The following ZFPM1 variants were observed in gnomAD, a reference collection of about 807,000 sequenced individuals.
The protein encoded by ZFPM1 is zinc finger protein, FOG family member 1.
A neutral mutation model predicts 46.3 loss-of-function variants in ZFPM1; 28 were observed. The observed-to-expected ratio is 0.60, with a 90% CI of 0.45 to 0.83. The LOEUF (loss-of-function observed/expected upper bound fraction) is 0.83. ZFPM1 is among the 40% of genes least tolerant of loss of function. ZFPM1 has a pLI of 0.00. For synonymous variants in ZFPM1, 957 were observed against 675.9 expected, an observed-to-expected ratio of 1.42 and a Z score of -6.45; for missense variants, 1,878 against 1,432.4, an observed-to-expected ratio of 1.31 and a Z score of -5.02.
In ZFPM1 at chr16:88,471,341, CTG is replaced by C. The variant is rs1279187287; in HGVS notation, c.41-14594_41-14593del. On this transcript the variant is annotated intron_variant, in intron 1 of 9. Transcript: ENST00000319555. This position sits in a 1 kb window ranked among gnomAD's most constrained non-coding sequence, Gnocchi z 4.1. ...CTATAGCATCTAGGCTCTGAGATGA[CTG>C]TGTCCGTGGCGGCTCCCGCTCACAG... Among the ~76,000 whole-genome samples the C allele has an allele frequency of 1.3e-5, 2 of 152,260 alleles. No individual in the cohort carries two copies. The highest frequency in any genetic ancestry group is 2.9e-5 in the Non-Finnish European group (2 of 68,050).
chr16:88,491,960 G>A (rs1909605492), intron 3 of ZFPM1, among the ~76,000 whole-genome samples: 2 of 152,168 alleles, frequency 1.3e-5, no homozygotes, highest in South Asian at 4.1e-4. Flanking sequence ...GCAGTGCCCA[G>A]CCAGGTGACC....
chr16:88,475,686 C>T (rs1674939450), intron 1 of ZFPM1, among the ~76,000 whole-genome samples: 1 of 152,190 alleles, frequency 6.6e-6, no homozygotes, highest in African/African-American at 2.4e-5. Flanking sequence ...ACACCTGGAT[C>T]TGTGCTATCT....
intron 3 of ZFPM1, chr16:88,489,456 T>A: frequency 3.0e-6 from 1 of 335,776 alleles, no homozygotes; most frequent in Non-Finnish European, 5.4e-6. Context: ...TAAAGAATCC[T>A]CAGAGGCAGG....
chr16:88,482,769 C>T (rs769645799), intron 1 of ZFPM1, among the ~76,000 whole-genome samples: 2 of 152,216 alleles, frequency 1.3e-5, no homozygotes, highest in East Asian at 3.9e-4. Flanking sequence ...AGCTCCTGGG[C>T]AGCCCCTCCC....
At chr16:88,466,432 G>A (rs557058005) in intron 1 of ZFPM1, among the ~76,000 whole-genome samples, 149 of 152,342 alleles carry the variant, frequency 9.8e-4, no homozygotes, top group Non-Finnish European at 8.8e-4. Context: ...GAGTCTAGCC[G>A]AGGTCAGAGT....
rs1372136048 is a variant in ZFPM1, at chr16:88,532,600, G to A, written c.947-14G>A. ...GCTGGCCCGGGCACCGCTCTTACGC[G>A]CCCTGTGTTCCAGGAGAGCGGCCCT... On this transcript the variant is annotated splice_polypyrimidine_tract_variant and intron_variant, in intron 7 of 9. Transcript: ENST00000319555. 5 of 1,555,596 alleles carry A rather than the reference G, an allele frequency of 3.2e-6. No individual in the cohort carries two copies. Among genetic ancestry groups the A allele is most frequent in the African/African-American group, 1.4e-5 (1 of 73,400 alleles).
chr16:88,521,752 G>A (rs1911913907), intron 4 of ZFPM1, among the ~76,000 whole-genome samples: 1 of 79,858 alleles, frequency 1.3e-5, no homozygotes, highest in African/African-American at 6.5e-5. Flanking sequence ...CACACCCTGT[G>A]CTGTTCCCTC....
intron 3 of ZFPM1, among the ~76,000 whole-genome samples, chr16:88,496,221 G>A (rs1909923257): frequency 6.6e-6 from 1 of 152,172 alleles, no homozygotes; most frequent in African/African-American, 2.4e-5. Flanking sequence ...TCCATGAGGA[G>A]GGACCAGCCT....
At chr16:88,485,849 A>C in intron 1 of ZFPM1, 90 bp from the exon 2 acceptor site, 2 of 1,245,776 alleles carry the variant, frequency 1.6e-6, no homozygotes, top group South Asian at 2.6e-5. Flanking sequence ...CCGCCTGGGC[A>C]CCGGGGCTGT....
At chr16:88,461,172 G>T (rs62048961) in intron 1 of ZFPM1, among the ~76,000 whole-genome samples, 14,281 of 82,362 alleles carry the variant, frequency 0.17, 781 homozygotes, top group Non-Finnish European at 0.22. Context: ...GACCTGGTGA[G>T]GACCGAGGGG....
At chr16:88,489,197 A>C (rs984917493) in intron 3 of ZFPM1, 44 bp downstream of exon 3, 61 of 1,547,454 alleles carry the variant, frequency 3.9e-5, no homozygotes, top group Non-Finnish European at 5.1e-5. Flanking sequence ...CCTCCCGGGC[A>C]GCCTGGCCCG....
chr16:88,452,392 C>A (rs1053444123), upstream of ZFPM1, among the ~76,000 whole-genome samples: 3 of 152,350 alleles, frequency 2.0e-5, no homozygotes, highest in East Asian at 5.8e-4. Flanking sequence ...GTGGGCAACT[C>A]CTTCGTGGGT....
At chr16:88,462,299 C>A (rs1290657537) in intron 1 of ZFPM1, among the ~76,000 whole-genome samples, 1 of 152,224 alleles carries the variant, frequency 6.6e-6, no homozygotes, top group Non-Finnish European at 1.5e-5. Context: ...TCCCTCAGTT[C>A]CCCACCTGGA....
intron 1 of ZFPM1, among the ~76,000 whole-genome samples, chr16:88,458,560 T>C (rs1215602765): frequency 6.6e-6 from 1 of 152,250 alleles, no homozygotes; most frequent in South Asian, 2.1e-4. Context: ...GTTCCTGGGC[T>C]TGACGGGCTT....
intron 4 of ZFPM1, among the ~76,000 whole-genome samples, chr16:88,517,587 A>G (rs1597270302): frequency 6.7e-6 from 1 of 148,942 alleles, no homozygotes; most frequent in Non-Finnish European, 1.5e-5. Context: ...TAATGGATGG[A>G]TAAATGAGTG....
chr16:88,506,557 A>G (rs550339123), intron 3 of ZFPM1, among the ~76,000 whole-genome samples: 1 of 152,182 alleles, frequency 6.6e-6, no homozygotes, highest in East Asian at 1.9e-4. Context: ...AGTGGTGGCC[A>G]TCACTGGGTG....
intron 3 of ZFPM1, among the ~76,000 whole-genome samples, chr16:88,502,313 C>T (rs911620364): frequency 6.6e-6 from 1 of 151,990 alleles, no homozygotes; most frequent in South Asian, 2.1e-4. Context: ...TATTGCGTCT[C>T]GTGAGGGTGC....
chr16:88,523,230 C>T (rs890394752), intron 4 of ZFPM1, among the ~76,000 whole-genome samples: 4 of 152,006 alleles, frequency 2.6e-5, no homozygotes, highest in Non-Finnish European at 5.9e-5. Context: ...AAATAGGCCC[C>T]CTTCCCCCTT....
chr16:88,517,946 C>A, intron 4 of ZFPM1, among the ~76,000 whole-genome samples: 1 of 151,636 alleles, frequency 6.6e-6, no homozygotes. Context: ...CGCAGTGGCT[C>A]ATGCCTGTAA....
Sources: allele counts gnomAD v4.1 joint callset (sites outside exome capture counted in the v4.1 genomes callset), GRCh38; gene constraint gnomAD v4.1.1; non-coding constraint Gnocchi (gnomAD v3.1); transcripts MANE v1.5; gene names NCBI Gene and HGNC (gene_info 2026-07-23, HGNC 2026-07-21).